DPH6: variants seen among roughly 807,000 people sequenced by gnomAD.
DPH6 encodes the protein diphthine--ammonia ligase.
A neutral mutation model predicts 38.2 loss-of-function variants in DPH6; 33 were observed. That is an observed-to-expected ratio of 0.86 (90% CI 0.65 to 1.15). DPH6 has a LOEUF of 1.15. Among genes scored for constraint, DPH6 ranks in the 50% most tolerant of loss-of-function variants. DPH6 has a pLI of 0.00. For synonymous variants in DPH6, 108 were observed against 103.0 expected (o/e 1.05, Z -0.30); for missense variants, 325 against 320.0 (o/e 1.02, Z -0.12).
intron 4 of DPH6, among the ~76,000 whole-genome samples, chr15:35,452,044 T>C (rs888923114): frequency 1.3e-5 from 2 of 151,894 alleles, no homozygotes; most frequent in African/African-American, 4.8e-5. Flanking sequence ...AGACATAAAA[T>C]AGATCATAGG....
chr15:35,472,351 T>C (rs1179869480), intron 3 of DPH6, among the ~76,000 whole-genome samples: 6 of 152,088 alleles, frequency 3.9e-5, no homozygotes, highest in Admixed American at 2.6e-4. Context: ...CCAGGTACCA[T>C]TGTAGAAGGA....
chr15:35,255,833 T>C (rs529814755), intron 3 of DPH6, among the ~76,000 whole-genome samples: 1 of 152,248 alleles, frequency 6.6e-6, no homozygotes, highest in South Asian at 2.1e-4. Flanking sequence ...TTATTCATTC[T>C]ATCCATTAGG....
intron 3 of DPH6, among the ~76,000 whole-genome samples, chr15:35,324,521 C>T (rs796371149): frequency 2.2e-4 from 27 of 120,864 alleles, no homozygotes; most frequent in African/African-American, 1.0e-3. Context: ...TCTAGCAGTT[C>T]GCTTACGACT....
chr15:35,413,597 C>A (rs1173910103), intron 5 of DPH6, among the ~76,000 whole-genome samples: 1 of 151,568 alleles, frequency 6.6e-6, no homozygotes. Flanking sequence ...CACTGTGACA[C>A]CAGCTTTCTT....
intron 3 of DPH6, among the ~76,000 whole-genome samples, chr15:35,316,709 T>A (rs1475571046): frequency 1.3e-5 from 2 of 152,034 alleles, no homozygotes; most frequent in Non-Finnish European, 2.9e-5. Flanking sequence ...AGGCAAAGAA[T>A]TTCTGAAGTG....
chr15:35,427,983 G>A (rs1259233185), intron 5 of DPH6, among the ~76,000 whole-genome samples: 2 of 151,886 alleles, frequency 1.3e-5, no homozygotes, highest in Admixed American at 1.3e-4. Flanking sequence ...GGCAGCCTAA[G>A]AATATGGAAG....
exon 4 of DPH6, chr15:35,218,447 T>C (rs1285408561): frequency 6.6e-6 from 1 of 152,172 alleles, no homozygotes; most frequent in Non-Finnish European, 1.5e-5. Context: ...TTATGTTCAG[T>C]CAATATAAGT....
chr15:35,178,610 T>A, the DPH6 span, among the ~76,000 whole-genome samples: 5,961 of 152,262 alleles, frequency 0.039, 127 homozygotes, highest in Middle Eastern at 0.051. Context: ...CCATATAATA[T>A]ACCAACAGTT....
intron 3 of DPH6, among the ~76,000 whole-genome samples, chr15:35,257,306 C>A (rs2051714971): frequency 6.6e-6 from 1 of 152,012 alleles, no homozygotes; most frequent in Non-Finnish European, 1.5e-5. Context: ...GGTAAAAAGT[C>A]TAGTTAGAGA....
intron 7 of DPH6, 22 bp from the exon 8 acceptor site, chr15:35,373,630 A>G: frequency 6.3e-7 from 1 of 1,581,660 alleles, no homozygotes; most frequent in East Asian, 2.3e-5. Context: ...AAATTTTACA[A>G]TACATTTATA....
chr15:35,184,399 C>G, the DPH6 span, among the ~76,000 whole-genome samples: 1 of 152,158 alleles, frequency 6.6e-6, no homozygotes, highest in African/African-American at 2.4e-5. Context: ...CTAAAATAAA[C>G]TCATAATCCT....
At chr15:35,520,686 C>T (rs1394601662) in intron 3 of DPH6, 11 of 984,802 alleles carry the variant, frequency 1.1e-5, no homozygotes, top group Non-Finnish European at 1.3e-5. Flanking sequence ...TCCTGAATTG[C>T]TGAACCTCTG....
At chr15:35,379,548 T>C (rs1014896295) in intron 7 of DPH6, among the ~76,000 whole-genome samples, 1 of 152,224 alleles carries the variant, frequency 6.6e-6, no homozygotes, top group Non-Finnish European at 1.5e-5. Context: ...CTAAATAATA[T>C]AACTTTCATT....
chr15:35,353,553 T>C (rs1482589100), intron 3 of DPH6, among the ~76,000 whole-genome samples: 2 of 152,234 alleles, frequency 1.3e-5, no homozygotes, highest in African/African-American at 2.4e-5. Flanking sequence ...TCCCCATTTC[T>C]TGTTTTTGTC....
chr15:35,394,018 A>G (rs1278894639), intron 6 of DPH6, among the ~76,000 whole-genome samples: 1 of 152,142 alleles, frequency 6.6e-6, no homozygotes, highest in East Asian at 1.9e-4. Flanking sequence ...TCTTTTGATT[A>G]TCTTCCTCAG....
chr15:35,424,701 T>C (rs1044711141), intron 5 of DPH6, among the ~76,000 whole-genome samples: 5 of 151,762 alleles, frequency 3.3e-5, no homozygotes, highest in African/African-American at 1.2e-4. Flanking sequence ...ATATAAGCAC[T>C]GGCATCTAAT....
chr15:35,194,524 T>C, the DPH6 span, among the ~76,000 whole-genome samples: 10 of 152,228 alleles, frequency 6.6e-5, no homozygotes, highest in Admixed American at 5.9e-4. Flanking sequence ...CTACAGTGTC[T>C]GAAAGCAAGA....
intron 2 of DPH6, among the ~76,000 whole-genome samples, chr15:35,538,898 T>A (rs2055212459): frequency 6.6e-6 from 1 of 152,098 alleles, no homozygotes; most frequent in Non-Finnish European, 1.5e-5. Flanking sequence ...ATCTACCTAG[T>A]TAATAAGAGA....
intron 3 of DPH6, among the ~76,000 whole-genome samples, chr15:35,293,657 A>G (rs922397389): frequency 6.6e-6 from 1 of 152,214 alleles, no homozygotes; most frequent in East Asian, 1.9e-4. Flanking sequence ...GGGGTGTCCT[A>G]TTCTGCTACT....
Sources: gnomAD v4.1 joint callset for allele counts (sites outside exome capture counted in the v4.1 genomes callset) on GRCh38, gnomAD v4.1.1 for gene constraint, MANE v1.5 for transcripts, NCBI Gene and HGNC (gene_info 2026-07-23, HGNC 2026-07-21) for gene names.